IQGAP2: variants seen among roughly 807,000 people sequenced by gnomAD.
IQGAP2 encodes the protein IQ motif containing GTPase activating protein 2, also known as ras GTPase-activating-like protein IQGAP2.
A neutral mutation model predicts 201.3 loss-of-function variants in IQGAP2; 173 were observed. The ratio of observed to expected loss-of-function variants is 0.86; its 90% CI spans 0.76 to 0.98. The LOEUF (loss-of-function observed/expected upper bound fraction) is 0.98. Ranked by LOEUF, IQGAP2 falls within the 50% of genes least tolerant of loss-of-function variation. The pLI is 0.00. For synonymous variants in IQGAP2, 675 were observed against 673.9 expected, an observed-to-expected ratio of 1.00 and a Z score of -0.03; for missense variants, 1,687 against 1,864.8, an observed-to-expected ratio of 0.90 and a Z score of 1.76.
rs142513059 is a variant in IQGAP2 at position 76,558,923 on chromosome 5, C to T, written c.147-3473C>T. ...TTTCTTTTTTTTTTTCTTTTTGAGACGGAGTCTCGCTCTGTCGCCCAGGCT... is the reference window on the plus strand; with the variant it reads ...TTTCTTTTTTTTTTTCTTTTTGAGATGGAGTCTCGCTCTGTCGCCCAGGCT... On this transcript the variant is annotated intron_variant, in intron 2 of 35. Coordinates refer to ENST00000274364, the MANE Select transcript of IQGAP2 (RefSeq NM_006633.5). Among the ~76,000 whole-genome samples the T allele has an allele frequency of 6.1e-3, 932 of 151,888 alleles. 9 individuals are homozygous for T. The highest frequency in any genetic ancestry group is 0.021 in the African/African-American group (877 of 41,406).
intron 1 of IQGAP2, among the ~76,000 whole-genome samples, chr5:76,455,949 A>C (rs1021678058): frequency 4.6e-5 from 7 of 152,172 alleles, no homozygotes; most frequent in Non-Finnish European, 8.8e-5. Flanking sequence ...GGTTCTTAGA[A>C]ATGTGTCATG....
intron 22 of IQGAP2, 65 bp downstream of exon 22, chr5:76,665,240 C>T: frequency 7.1e-7 from 1 of 1,404,328 alleles, no homozygotes; most frequent in Non-Finnish European, 9.9e-7. Context: ...TTGTGGCTTA[C>T]AGGGAGTATT....
chr5:76,669,682 G>A (rs1744120370), intron 23 of IQGAP2, among the ~76,000 whole-genome samples: 1 of 152,158 alleles, frequency 6.6e-6, no homozygotes, highest in African/African-American at 2.4e-5. Context: ...AAACAGCATG[G>A]GCATAGGTCC....
chr5:76,692,681 A>G (rs1452651053), intron 30 of IQGAP2, among the ~76,000 whole-genome samples: 2 of 152,190 alleles, frequency 1.3e-5, no homozygotes, highest in Admixed American at 1.3e-4. Flanking sequence ...TTTACTGAGA[A>G]GCTCTTCTAT....
rs138163789 is a variant in IQGAP2, at chr5:76,471,698, A to G, written c.146+10029A>G. 5.5e-3 allele frequency among the ~76,000 whole-genome samples: 549 copies of G among 100,132 alleles called. 4 individuals are homozygous for G. Among genetic ancestry groups the G allele is most frequent in the African/African-American group, 0.022 (528 of 23,616 alleles). The allele number at this position is 100,132 out of a possible 152,430, so 65.7% of individuals were successfully genotyped here. On this transcript the variant is annotated intron_variant, in intron 2 of 35. Coordinates refer to ENST00000274364, the MANE Select transcript of IQGAP2 (RefSeq NM_006633.5). Reference sequence around the variant, plus strand: ...ATGAGTTGCTTAACAGTCAATATTCATGATTAGTTTAAAAAAAAAAAGAGA... The same window carrying G: ...ATGAGTTGCTTAACAGTCAATATTCGTGATTAGTTTAAAAAAAAAAAGAGA...
chr5:76,590,848 A>G (rs2150308735), intron 8 of IQGAP2, among the ~76,000 whole-genome samples: 1 of 152,264 alleles, frequency 6.6e-6, no homozygotes, highest in African/African-American at 2.4e-5. Flanking sequence ...GCACTTTGGG[A>G]GGCTGCAGCG....
chr5:76,580,696 GT>G (rs1728190587), intron 5 of IQGAP2, among the ~76,000 whole-genome samples: 1 of 152,000 alleles, frequency 6.6e-6, no homozygotes, highest in Non-Finnish European at 1.5e-5. Context: ...TTTCAGCTTG[GT>G]CAGTCTGAGC....
chr5:76,617,391 G>A (rs551078614), intron 13 of IQGAP2: 51 of 547,314 alleles, frequency 9.3e-5, no homozygotes, highest in Admixed American at 5.5e-4. Flanking sequence ...GCCACTGCAC[G>A]CCAGTCTGGG....
At chr5:76,611,690 C>T (rs530397041) in intron 13 of IQGAP2, among the ~76,000 whole-genome samples, 7 of 152,266 alleles carry the variant, frequency 4.6e-5, no homozygotes, top group South Asian at 4.2e-4. Flanking sequence ...TTGAGATTGT[C>T]GGGGACTAGA....
Position 76,597,559 on chromosome 5 carries a change from T to G in IQGAP2, c.1028T>G (p.Met343Arg). 2 of 1,613,844 alleles carry G rather than the reference T, an allele frequency of 1.2e-6. No individual in the cohort carries two copies. The highest frequency in any genetic ancestry group is 1.7e-6 in the Non-Finnish European group (2 of 1,179,942). ...GCTGTTTATCCCTTTGCTGCTGCCA[T>G]GTATCAGAACGAACTTTTCAACCTC... ...LPAVYPFAAA[M>R]YQNELFNLQK... The change falls in exon 10 of 36, where the codon ATG becomes AGG. Residue 343 changes from methionine (M) to arginine (R), a missense_variant. By Grantham distance (91) the Met-to-Arg change is moderately conservative. Coordinates refer to ENST00000274364, the MANE Select transcript of IQGAP2 (RefSeq NM_006633.5).
intron 2 of IQGAP2, among the ~76,000 whole-genome samples, chr5:76,544,823 T>C (rs1280250351): frequency 6.6e-6 from 1 of 152,210 alleles, no homozygotes; most frequent in Non-Finnish European, 1.5e-5. Context: ...TTTTGTAGCC[T>C]AGTGGGAATA....
chr5:76,650,873 C>G (rs1009140579), intron 17 of IQGAP2, among the ~76,000 whole-genome samples: 2 of 152,152 alleles, frequency 1.3e-5, no homozygotes, highest in African/African-American at 4.8e-5. Flanking sequence ...TTACTGGATG[C>G]ACAATTTTGG....
chr5:76,508,133 G>A (rs1402487887), intron 2 of IQGAP2, among the ~76,000 whole-genome samples: 1 of 150,724 alleles, frequency 6.6e-6, no homozygotes, highest in Non-Finnish European at 1.5e-5. Context: ...GAGTTCAAGA[G>A]CAGCCTGGGC....
At chr5:76,637,758 C>T (rs191969163) in intron 16 of IQGAP2, among the ~76,000 whole-genome samples, 28 of 152,312 alleles carry the variant, frequency 1.8e-4, no homozygotes, top group Non-Finnish European at 5.9e-5. Flanking sequence ...TTCTAGAGAT[C>T]TGGATGTACC....
rs1752240063 is a variant in IQGAP2 at position 76,429,617 on chromosome 5, TATATAAATTTATATATATAC to T, written c.46+26032_46+26051del. Among the ~76,000 whole-genome samples the T allele has an allele frequency of 2.1e-5, 3 of 144,888 alleles. No homozygotes were observed. In the South Asian group the frequency reaches 6.4e-4, roughly 31 times the overall value. ...ATATATGTATATTTATATATATACA[TATATAAATTTATATATATAC>T]ATATATGTATATATATATGTTAAAA... On this transcript the variant is annotated intron_variant, in intron 1 of 35. Transcript: ENST00000274364.
At chr5:76,614,695 C>T (rs1156547116) in intron 13 of IQGAP2, among the ~76,000 whole-genome samples, 2 of 146,012 alleles carry the variant, frequency 1.4e-5, no homozygotes, top group Non-Finnish European at 3.0e-5. Context: ...AGTGATCCTC[C>T]CACCTCAGCC....
intron 1 of IQGAP2, among the ~76,000 whole-genome samples, chr5:76,440,892 G>A (rs777356070): frequency 2.6e-5 from 4 of 152,152 alleles, no homozygotes; most frequent in South Asian, 2.1e-4. Context: ...TTAGCCAGGC[G>A]TGGTGGCGGA....
intron 2 of IQGAP2, among the ~76,000 whole-genome samples, chr5:76,471,610 T>C (rs953194959): frequency 6.6e-6 from 1 of 152,172 alleles, no homozygotes; most frequent in Admixed American, 6.5e-5. Flanking sequence ...CCTTATCTAG[T>C]GGTGAGTTAG....
At chr5:76,490,317 G>A (rs191760305) in intron 2 of IQGAP2, among the ~76,000 whole-genome samples, 2 of 152,262 alleles carry the variant, frequency 1.3e-5, no homozygotes, top group East Asian at 3.9e-4. Context: ...TTTTACCAGT[G>A]TGGGATTGCT....
Sources: allele counts gnomAD v4.1 joint callset (sites outside exome capture counted in the v4.1 genomes callset), GRCh38; gene constraint gnomAD v4.1.1; transcripts MANE v1.5; gene names NCBI Gene and HGNC (gene_info 2026-07-23, HGNC 2026-07-21).